The following RTRAF variants were observed in gnomAD, a reference collection of about 807,000 sequenced individuals.
RTRAF encodes the protein RNA transcription, translation and transport factor.
RTRAF carries 14 observed loss-of-function variants against 34.4 expected under a neutral mutation model. The observed-to-expected ratio is 0.41, with a 90% CI of 0.27 to 0.64. The LOEUF is 0.64. Ranked by LOEUF, RTRAF falls within the 30% of genes least tolerant of loss-of-function variation. The probability of loss-of-function intolerance (pLI) is 0.34; values close to 1 mark genes in which losing one functional copy is unlikely to be tolerated. For missense variants in RTRAF, 291 were observed against 288.4 expected (o/e 1.01, Z -0.06); for synonymous variants, 96 against 95.3 (o/e 1.01, Z -0.04).
chr14:51,993,125 T>G (rs964681948), intron 2 of RTRAF, among the ~76,000 whole-genome samples: 1 of 152,178 alleles, frequency 6.6e-6, no homozygotes. Flanking sequence ...TAAGAATAAT[T>G]TCAACATATC....
In RTRAF at chr14:51,992,907, G is replaced by A. The variant is rs562388579; in HGVS notation, c.187-816G>A. 4.1e-4 allele frequency among the ~76,000 whole-genome samples: 62 copies of A among 152,278 alleles called. 1 individual carries two copies. The highest frequency in any genetic ancestry group is 1.5e-3 in the African/African-American group (61 of 41,550). ...TAGCCAGGTGTGGTGGCGCATGTGT[G>A]TAATCTCAGCTGCCCAGGGGGCTGA... On this transcript the variant is annotated intron_variant, in intron 2 of 7. Coordinates refer to ENST00000261700, the MANE Select transcript of RTRAF (RefSeq NM_016039.3).
At chr14:51,995,373 G>A (rs1890502790) in intron 3 of RTRAF, among the ~76,000 whole-genome samples, 1 of 151,866 alleles carries the variant, frequency 6.6e-6, no homozygotes. Context: ...TTCAAGTCTA[G>A]CAGCATAGCA....
In RTRAF at chr14:52,004,375, T is replaced by C. The variant is rs1233149667; in HGVS notation, c.594T>C (p.Asn198=). The C allele has an allele frequency of 1.2e-6, 2 of 1,613,638 alleles. No homozygotes were observed. Among genetic ancestry groups the C allele is most frequent in the Non-Finnish European group, 1.7e-6 (2 of 1,179,802 alleles). Residue 198 remains asparagine, a synonymous_variant, in exon 8 of 8, where the codon AAT becomes AAC. Coordinates refer to ENST00000261700, the MANE Select transcript of RTRAF (RefSeq NM_016039.3). The part of the protein sequence containing the change: ...LGFDTGDAVL[N]EAAQILRLLH... The stretch of plus-strand genomic sequence containing the variant: ...CTCATAAAACAGATGCAGTTCTTAA[T>C]GAAGCTGCTCAAATTCTGCGATTGC...
At chr14:51,997,771 A>AAAG (rs1338125759) in intron 3 of RTRAF, among the ~76,000 whole-genome samples, 4 of 113,022 alleles carry the variant, frequency 3.5e-5, no homozygotes, top group Non-Finnish European at 7.3e-5. Flanking sequence ...ACAGCATTCA[A>AAAG]AAGAAGATGG....
At chr14:52,003,936 C>T in intron 6 of RTRAF, 1 of 464,858 alleles carries the variant, frequency 2.2e-6, no homozygotes, top group East Asian at 3.6e-5. Context: ...TTTTGTATGC[C>T]TGGGCTAAAG....
rs1351638823 is a variant in RTRAF at position 52,004,345 on chromosome 14, C to G, written c.581-17C>G. The G allele has an allele frequency of 1.2e-6, 2 of 1,612,096 alleles. No individual in the cohort carries two copies. The highest frequency in any genetic ancestry group is 2.7e-5 in the African/African-American group (2 of 74,726). On this transcript the variant is annotated splice_polypyrimidine_tract_variant and intron_variant, in intron 7 of 7. Coordinates refer to ENST00000261700, the MANE Select transcript of RTRAF (RefSeq NM_016039.3). ...AAAAATTATGTATTGAAGCAGTGTT[C>G]TTTTCTCATAAAACAGATGCAGTTC...
At position 52,006,150 on chromosome 14, in the gene RTRAF, C is replaced by CTGAG. The variant is rs1890772119; in HGVS notation, c.*1634_*1635insTGAG. 1 of 411,720 alleles carries CTGAG rather than the reference C, an allele frequency of 2.4e-6. No individual in the cohort carries two copies. The highest frequency in any genetic ancestry group is 4.5e-6 in the Non-Finnish European group (1 of 221,342). 25.5% of individuals were successfully genotyped at this position (411,720 alleles called of 1,614,324 possible). On this transcript the variant is annotated 3_prime_UTR_variant, in exon 8 of 8. Coordinates refer to ENST00000261700, the MANE Select transcript of RTRAF (RefSeq NM_016039.3). ...GAGAACTAGTCTAAATAGTATTTTT[C>CTGAG]GGTCCCTCAGACAATATGTCCACAG... is the stretch of plus-strand genomic sequence containing the variant.
chr14:52,002,029 T>G, intron 6 of RTRAF, 163 bp downstream of exon 6: 4 of 637,370 alleles, frequency 6.3e-6, no homozygotes, highest in Non-Finnish European at 7.9e-6. Context: ...TTGAATGTAT[T>G]CAGTGGCTAG....
chr14:51,989,713 C>G lies in RTRAF; in HGVS notation c.61+13C>G, dbSNP rs2140325234. On this transcript the variant is annotated intron_variant, in intron 1 of 7. Coordinates refer to ENST00000261700, the MANE Select transcript of RTRAF (RefSeq NM_016039.3). ...TTCAACTGCAAAGGTGAGGCGGCGG[C>G]CTCAGCCCGGCCGCGTGTCCCTGAC... is the stretch of plus-strand genomic sequence containing the variant. 1 of 1,594,186 alleles carries G rather than the reference C, an allele frequency of 6.3e-7. No homozygotes were observed. The highest frequency in any genetic ancestry group is 8.5e-7 in the Non-Finnish European group (1 of 1,171,414).
intron 5 of RTRAF, among the ~76,000 whole-genome samples, chr14:52,001,239 T>TAAA (rs1890597591): frequency 6.7e-6 from 1 of 149,936 alleles, no homozygotes; most frequent in Admixed American, 6.7e-5. Flanking sequence ...ATTTGATTTT[T>TAAA]AAGTGTGTAT....
chr14:51,991,457 G>A lies in RTRAF; in HGVS notation c.186+16G>A, dbSNP rs1470046776. 5.0e-6 allele frequency: 8 copies of A among 1,600,782 alleles called. No homozygotes were observed. Among genetic ancestry groups the A allele is most frequent in the Non-Finnish European group, 6.8e-6 (8 of 1,173,914 alleles). ...CTTTGAAAAGGTAATGAATTAGGAA[G>A]TAAAGTAAAAATACAGAGAGTTTGT... On this transcript the variant is annotated intron_variant, in intron 2 of 7. Transcript: ENST00000261700.
In RTRAF at chr14:52,007,042, C is replaced by T. The variant is rs868288271; in HGVS notation, c.*2526C>T. The T allele has an allele frequency of 6.4e-5, 10 of 157,326 alleles. No homozygotes were observed. Among genetic ancestry groups the T allele is most frequent in the Middle Eastern group, 3.3e-3 (1 of 306 alleles). 9.7% of individuals were successfully genotyped at this position (157,326 alleles called of 1,614,324 possible). A position where few individuals can be genotyped will look rare whatever the true frequency, so the allele number is the denominator to read the frequency against. On this transcript the variant is annotated 3_prime_UTR_variant, in exon 8 of 8. Transcript: ENST00000261700. Reference sequence around the variant, plus strand: ...ACTGAGGCAACCTTTTAACCAAAATCCTTAGTATTTTTAAAATATTTTCTA... The same window carrying T: ...ACTGAGGCAACCTTTTAACCAAAATTCTTAGTATTTTTAAAATATTTTCTA...
chr14:52,004,307 TGGC>T, intron 7 of RTRAF, 52 bp from the exon 8 acceptor site: 3 of 1,607,252 alleles, frequency 1.9e-6, no homozygotes, highest in South Asian at 1.1e-5. Context: ...AGGAAATAAA[TGGC>T]CTTAAATGTA....
rs1410688437 is a variant in RTRAF at position 52,010,347 on chromosome 14, TC to T, written c.*5833del. The T allele has an allele frequency of 6.6e-6, 1 of 152,410 alleles. No homozygotes were observed. The highest frequency in any genetic ancestry group is 2.4e-5 in the African/African-American group (1 of 41,448). 9.4% of individuals were successfully genotyped at this position (152,410 alleles called of 1,614,324 possible). ...AACAAGTACTGAGACAGTGAACAAA[TC>T]CTGTATGTCACATTTGATGACCTTA... On this transcript the variant is annotated 3_prime_UTR_variant, in exon 8 of 8. Coordinates refer to ENST00000261700, the MANE Select transcript of RTRAF (RefSeq NM_016039.3).
chr14:52,002,271 T>G (rs760737888), intron 6 of RTRAF, among the ~76,000 whole-genome samples: 1 of 152,254 alleles, frequency 6.6e-6, no homozygotes, highest in East Asian at 1.9e-4. Flanking sequence ...CTTGCTCTTA[T>G]TTCTTCAGAG....
rs1288542180 is a variant in RTRAF at position 52,007,326 on chromosome 14, A to G, written c.*2810A>G. ...AACAGTCTTTTTCATATTCTTTAGT[A>G]TAGAACTAGACACACAGCATTTTTT... is the stretch of plus-strand genomic sequence containing the variant. On this transcript the variant is annotated 3_prime_UTR_variant, in exon 8 of 8. Coordinates refer to ENST00000261700, the MANE Select transcript of RTRAF (RefSeq NM_016039.3). 4 of 164,584 alleles carry G rather than the reference A, an allele frequency of 2.4e-5. No homozygotes were observed. Among genetic ancestry groups the G allele is most frequent in the East Asian group, 1.9e-4 (1 of 5,324 alleles). 10.2% of individuals were successfully genotyped at this position (164,584 alleles called of 1,614,324 possible).
intron 6 of RTRAF, among the ~76,000 whole-genome samples, chr14:52,003,424 A>G (rs1446456343): frequency 1.3e-5 from 2 of 152,178 alleles, no homozygotes; most frequent in African/African-American, 2.4e-5. Flanking sequence ...GTAGATTTAC[A>G]TTACTAGATA....
rs557863932 is a variant in RTRAF, at chr14:51,989,550, C to T, written c.-90C>T. The T allele has an allele frequency of 1.2e-3, 1,699 of 1,402,064 alleles. 18 individuals carry two copies. The Middle Eastern group carries it at 0.019, about 16-fold the overall frequency. 86.9% of individuals were successfully genotyped at this position (1,402,064 alleles called of 1,614,324 possible). A position where few individuals can be genotyped will look rare whatever the true frequency, so the allele number is the denominator to read the frequency against. ...GCGACTCAGCGCCTGCCCGCCCTCTCGCCGCGTCGCCGGTGCCTGCGCCTC... is the reference window on the plus strand; with the variant it reads ...GCGACTCAGCGCCTGCCCGCCCTCTTGCCGCGTCGCCGGTGCCTGCGCCTC... On this transcript the variant is annotated 5_prime_UTR_variant, in exon 1 of 8. Coordinates refer to ENST00000261700, the MANE Select transcript of RTRAF (RefSeq NM_016039.3).
chr14:52,005,356 A>C lies in RTRAF; in HGVS notation c.*840A>C, dbSNP rs548340836. On this transcript the variant is annotated 3_prime_UTR_variant, in exon 8 of 8. Transcript: ENST00000261700. ...CACAAAAGTCTTTTTGCACTACAAA[A>C]TGTTCATCTTGGATGCTCAGGAACG... The C allele has an allele frequency of 2.1e-5, 17 of 805,716 alleles. No homozygotes were observed. In the East Asian group the frequency reaches 4.4e-4, roughly 21 times the overall value. 49.9% of individuals were successfully genotyped at this position (805,716 alleles called of 1,614,324 possible).
Sources: allele counts gnomAD v4.1 joint callset (sites outside exome capture counted in the v4.1 genomes callset), GRCh38; gene constraint gnomAD v4.1.1; transcripts MANE v1.5; gene names NCBI Gene and HGNC (gene_info 2026-07-23, HGNC 2026-07-21).